The following RBBP9 variants were observed in gnomAD, a reference collection of about 807,000 sequenced individuals.
The protein encoded by RBBP9 is RB binding protein 9, serine hydrolase.
RBBP9 carries 20 observed loss-of-function variants against 24.2 expected under a neutral mutation model. That is an observed-to-expected ratio of 0.83 (90% CI 0.58 to 1.20). The LOEUF (loss-of-function observed/expected upper bound fraction) is 1.20, where lower values mean the gene tolerates loss of function less well. Ranked by LOEUF, RBBP9 falls within the 50% of genes most tolerant of loss-of-function variation. The pLI is 0.00. For missense variants in RBBP9, 234 were observed against 233.6 expected, an observed-to-expected ratio of 1.00 and a Z score of -0.01; for synonymous variants, 74 against 84.6, an observed-to-expected ratio of 0.87 and a Z score of 0.69.
At position 18,489,701 on chromosome 20, in the gene RBBP9, C is replaced by A. The variant is rs902626501; in HGVS notation, c.*63G>T. 4 of 1,098,594 alleles carry A rather than the reference C, an allele frequency of 3.6e-6. No individual in the cohort carries two copies. Among genetic ancestry groups the A allele is most frequent in the Admixed American group, 1.9e-5 (1 of 52,682 alleles). 68.1% of individuals were successfully genotyped at this position (1,098,594 alleles called of 1,614,324 possible). ...CTGGATGTTCTATGTGTCTAGTAATCAGCTGATAGTAGATATTATTCTACT... is the reference window on the plus strand; with the variant it reads ...CTGGATGTTCTATGTGTCTAGTAATAAGCTGATAGTAGATATTATTCTACT... On this transcript the variant is annotated 3_prime_UTR_variant, in exon 5 of 5. Coordinates refer to ENST00000337227, the MANE Select transcript of RBBP9 (RefSeq NM_006606.3).
Position 18,489,996 on chromosome 20 carries a change from G to C in RBBP9, c.335-6C>G, listed in dbSNP as rs745662321. 2.5e-6 allele frequency: 4 copies of C among 1,575,000 alleles called. No homozygotes were observed. The African/African-American group carries it at 5.4e-5, about 21-fold the overall frequency. On this transcript the variant is annotated splice_polypyrimidine_tract_variant and splice_region_variant and intron_variant, in intron 4 of 4. Transcript: ENST00000337227. ...CCAGGGGCGGGTGAAGTATCCTATG[G>C]GGAAAAAAAAATGATCTTTCAGTAC...
rs1263141093 is a variant in RBBP9, at chr20:18,487,341, T to C, written c.*2423A>G. 1.3e-5 allele frequency: 2 copies of C among 152,218 alleles called. No individual in the cohort carries two copies. The highest frequency in any genetic ancestry group is 2.9e-5 in the Non-Finnish European group (2 of 68,038). The allele number at this position is 152,218 out of a possible 1,614,324, so 9.4% of individuals were successfully genotyped here. ...ATTTCTCAATTATATATATTTAGTT[T>C]TCATTTCTACAGAGAAAGAGGTCAA... On this transcript the variant is annotated 3_prime_UTR_variant, in exon 5 of 5. Coordinates refer to ENST00000337227, the MANE Select transcript of RBBP9 (RefSeq NM_006606.3).
intron 4 of RBBP9, 76 bp from the exon 5 acceptor site, chr20:18,490,066 G>A (rs375571714): frequency 2.4e-4 from 255 of 1,043,130 alleles, no homozygotes; most frequent in Middle Eastern, 2.0e-3. Flanking sequence ...ACCTACTGGC[G>A]ACCCACATAG....
At chr20:18,492,065 C>A (rs1397937356) in intron 3 of RBBP9, among the ~76,000 whole-genome samples, 1 of 140,570 alleles carries the variant, frequency 7.1e-6, no homozygotes, top group African/African-American at 2.6e-5. Flanking sequence ...CCACTGCACT[C>A]CAGCCCGGGC....
chr20:18,496,603 G>A (rs2059887637), intron 1 of RBBP9, among the ~76,000 whole-genome samples: 1 of 152,208 alleles, frequency 6.6e-6, no homozygotes, highest in Non-Finnish European at 1.5e-5. Flanking sequence ...TCGTTTGGAA[G>A]ATGATGTATA....
chr20:18,495,659 A>AC (rs1337424730), intron 2 of RBBP9, among the ~76,000 whole-genome samples, 179 bp downstream of exon 2: 3 of 151,184 alleles, frequency 2.0e-5, no homozygotes, highest in Non-Finnish European at 4.4e-5. Context: ...AAAAAAAAAA[A>AC]AAAGAATTTT....
In RBBP9 at chr20:18,494,070, G is replaced by A. The variant is rs1279434895; in HGVS notation, c.143-7C>T. On this transcript the variant is annotated splice_polypyrimidine_tract_variant and splice_region_variant and intron_variant, in intron 2 of 4. Coordinates refer to ENST00000337227, the MANE Select transcript of RBBP9 (RefSeq NM_006606.3). ...ATGCTCTCTCGTGCTGTAACTTAAG[G>A]TTCAGGGTAAAGAAAAAGTCTGTCA... 5.0e-6 allele frequency: 8 copies of A among 1,609,920 alleles called. No homozygotes were observed. The highest frequency in any genetic ancestry group is 6.8e-6 in the Non-Finnish European group (8 of 1,177,002).
At chr20:18,492,096 C>CAAAAAAAAA (rs71194242) in intron 3 of RBBP9, among the ~76,000 whole-genome samples, 57 of 70,034 alleles carry the variant, frequency 8.1e-4, no homozygotes, top group East Asian at 2.5e-3. Context: ...GGCTCTGTCT[C>CAAAAAAAAA]AAAAAAAAAA....
intron 3 of RBBP9, 27 bp from the exon 4 acceptor site, chr20:18,490,507 A>T (rs750424174): frequency 6.6e-7 from 1 of 1,526,506 alleles, no homozygotes; most frequent in African/African-American, 1.4e-5. Context: ...GATGTCAGCT[A>T]ATATATAATG....
chr20:18,493,699 C>T (rs1217627958), intron 3 of RBBP9, among the ~76,000 whole-genome samples: 1 of 152,172 alleles, frequency 6.6e-6, no homozygotes, highest in Admixed American at 6.5e-5. Context: ...GAGACAGAAT[C>T]AGAGCTGACT....
chr20:18,491,706 G>C (rs2059866258), intron 3 of RBBP9, among the ~76,000 whole-genome samples: 2 of 152,178 alleles, frequency 1.3e-5, no homozygotes, highest in South Asian at 4.1e-4. Context: ...AGGGGCCTTT[G>C]TGCCAAGAAA....
At chr20:18,495,935 AC>A in intron 1 of RBBP9, 55 bp from the exon 2 acceptor site, 2 of 1,366,964 alleles carry the variant, frequency 1.5e-6, no homozygotes, top group Admixed American at 4.7e-5. Flanking sequence ...TACAACTAAT[AC>A]TTTGCTAATA....
intron 4 of RBBP9, 94 bp from the exon 5 acceptor site, chr20:18,490,084 A>T: frequency 1.2e-6 from 1 of 857,638 alleles, no homozygotes; most frequent in Non-Finnish European, 1.8e-6. Context: ...TAGAGACGCA[A>T]AGGAGCAGAG....
At chr20:18,490,734 C>T (rs751631158) in intron 3 of RBBP9, among the ~76,000 whole-genome samples, 18 of 150,936 alleles carry the variant, frequency 1.2e-4, no homozygotes, top group Non-Finnish European at 2.2e-4. Context: ...GGCTGGAGTG[C>T]AGTGGCACAA....
At chr20:18,491,450 G>C (rs957002405) in intron 3 of RBBP9, among the ~76,000 whole-genome samples, 1 of 152,100 alleles carries the variant, frequency 6.6e-6, no homozygotes, top group African/African-American at 2.4e-5. Context: ...TGCAGTTTTT[G>C]CCATTAAAAG....
Position 18,489,644 on chromosome 20 carries a change from G to T in RBBP9, c.*120C>A. 1.5e-6 allele frequency: 1 copy of T among 649,260 alleles called. No individual in the cohort carries two copies. Among genetic ancestry groups the T allele is most frequent in the Non-Finnish European group, 2.7e-6 (1 of 376,504 alleles). The allele number at this position is 649,260 out of a possible 1,614,324, so 40.2% of individuals were successfully genotyped here. ...TAACTTAGATTGAATGTTGAAACTT[G>T]TGTTTGTTTTTCAGGCACTTACGGA... On this transcript the variant is annotated 3_prime_UTR_variant, in exon 5 of 5. Coordinates refer to ENST00000337227, the MANE Select transcript of RBBP9 (RefSeq NM_006606.3).
At position 18,488,971 on chromosome 20, in the gene RBBP9, G is replaced by GTGTGTATGTA. The variant is rs35822681; in HGVS notation, c.*792_*793insTACATACACA. 6.7e-6 allele frequency: 1 copy of GTGTGTATGTA among 148,702 alleles called. No individual in the cohort carries two copies. The allele number at this position is 148,702 out of a possible 1,614,324, so 9.2% of individuals were successfully genotyped here. Reference sequence around the variant, plus strand: ...TATGTGTATGTGTGTGTGTGTGTGTGTATATATATATATATTTGCATTCCC... The same window carrying GTGTGTATGTA: ...TATGTGTATGTGTGTGTGTGTGTGTGTGTGTATGTATATATATATATATATTTGCATTCCC... On this transcript the variant is annotated 3_prime_UTR_variant, in exon 5 of 5. Coordinates refer to ENST00000337227, the MANE Select transcript of RBBP9 (RefSeq NM_006606.3).
rs145102973 is a variant in RBBP9 at position 18,489,886 on chromosome 20, G to T, written c.439C>A (p.Gln147Lys). 6.2e-7 allele frequency: 1 copy of T among 1,613,812 alleles called. No homozygotes were observed. Residue 147 changes from glutamine to lysine, a missense_variant, in exon 5 of 5, where the codon CAA becomes AAA. Gln to Lys is a moderately conservative substitution (Grantham distance 53). Transcript: ENST00000337227. Reference protein sequence around the residue: ...DDPFLPWKEQQEVADRLETKL... With the variant: ...DDPFLPWKEQKEVADRLETKL... ...GTTTCCAACCTATCGGCCACTTCTT[G>T]TTGTTCCTTCCAGGGAAGGAACGGG...
chr20:18,493,250 C>T (rs1238609645), intron 3 of RBBP9, among the ~76,000 whole-genome samples: 1 of 152,088 alleles, frequency 6.6e-6, no homozygotes, highest in African/African-American at 2.4e-5. Context: ...CATACGAATC[C>T]TAAGGACTGG....
Sources: allele counts gnomAD v4.1 joint callset (sites outside exome capture counted in the v4.1 genomes callset), GRCh38; gene constraint gnomAD v4.1.1; transcripts MANE v1.5; gene names NCBI Gene and HGNC (gene_info 2026-07-23, HGNC 2026-07-21).